The following SIRPB2 variants were observed in gnomAD, a reference collection of about 807,000 sequenced individuals.
The protein encoded by SIRPB2 is signal regulatory protein beta 2, also known as signal-regulatory protein beta-2.
Under a neutral mutation model 27.1 loss-of-function variants are expected in SIRPB2, and 18 were observed. The ratio of observed to expected loss-of-function variants is 0.66; its 90% CI spans 0.46 to 0.98. The LOEUF (loss-of-function observed/expected upper bound fraction) is 0.98, where lower values mean the gene tolerates loss of function less well. Ranked by LOEUF, SIRPB2 falls within the 50% of genes least tolerant of loss-of-function variation. The probability of loss-of-function intolerance (pLI) is 0.00; values close to 1 mark genes in which losing one functional copy is unlikely to be tolerated. For missense variants in SIRPB2, 420 were observed against 417.4 expected (o/e 1.01, Z -0.06); for synonymous variants, 150 against 164.6 (o/e 0.91, Z 0.68).
Position 1,478,546 on chromosome 20 carries a change from G to C in SIRPB2, c.513C>G (p.Thr171=), listed in dbSNP as rs778326318. 1.2e-6 allele frequency: 2 copies of C among 1,611,940 alleles called. No homozygotes were observed. Among genetic ancestry groups the C allele is most frequent in the Non-Finnish European group, 1.7e-6 (2 of 1,178,516 alleles). ...AGTTCAGAAAGACAGTGTCTCCAGT[G>C]GTCCCCAACACCAATTCCTGGGGCT... is the stretch of plus-strand genomic sequence containing the variant. ...IIQPQELVLG[T]TGDTVFLNCT... is the part of the protein sequence containing the mutation. Residue 171 remains threonine (T), a synonymous_variant, in exon 3 of 5, where the codon ACC becomes ACG. Coordinates refer to ENST00000359801, the MANE Select transcript of SIRPB2 (RefSeq NM_001122962.2).
intron 2 of SIRPB2, chr20:1,479,428 T>A (rs1185067422): frequency 4.1e-6 from 2 of 493,090 alleles, no homozygotes; most frequent in Non-Finnish European, 7.4e-6. Context: ...ATGCTTGAGG[T>A]GTACTTGAAG....
intron 1 of SIRPB2, among the ~76,000 whole-genome samples, chr20:1,490,556 C>T (rs76552270): frequency 0.01 from 1,566 of 152,322 alleles, 29 homozygotes; most frequent in African/African-American, 0.035. Flanking sequence ...TAATAATAAT[C>T]GCCAAGAGTT....
intron 1 of SIRPB2, among the ~76,000 whole-genome samples, chr20:1,490,020 A>C (rs6033896): frequency 0.17 from 26,247 of 152,070 alleles, 4,695 homozygotes; most frequent in African/African-American, 0.46. Context: ...GGACTCAAAC[A>C]TTCCAACTGA....
intron 1 of SIRPB2, 57 bp from the exon 2 acceptor site, chr20:1,480,122 G>T: frequency 6.5e-7 from 1 of 1,527,672 alleles, no homozygotes; most frequent in South Asian, 1.3e-5. Context: ...AGCCCTAAAT[G>T]ACAAGCTTAA....
chr20:1,476,388 G>A (rs762826900), intron 4 of SIRPB2, 52 bp from the exon 5 acceptor site: 1 of 1,557,146 alleles, frequency 6.4e-7, no homozygotes, highest in South Asian at 1.2e-5. Context: ...GGGCCCCACA[G>A]CCCACGCCTC....
intron 1 of SIRPB2, among the ~76,000 whole-genome samples, chr20:1,487,489 G>T (rs1163770290): frequency 2.0e-5 from 3 of 152,156 alleles, no homozygotes; most frequent in African/African-American, 4.8e-5. Context: ...ATTTGAAAAA[G>T]AATAAAGTTA....
At position 1,478,393 on chromosome 20, in the gene SIRPB2, G is replaced by A. The variant is rs2090630622; in HGVS notation, c.666C>T (p.Asn222=). ...HPKETAVQAS[N]NDFSILLQNV... is the part of the protein sequence containing the mutation. ...TTTGCAGAAGAATGCTGAAGTCATT[G>A]TTGGAGGCCTGCACCGCTGTCTCCT... The change falls in exon 3 of 5, where the codon AAC becomes AAT. Residue 222 remains asparagine, a synonymous_variant. Transcript: ENST00000359801. The A allele has an allele frequency of 6.2e-7, 1 of 1,614,194 alleles. No homozygotes were observed. Among genetic ancestry groups the A allele is most frequent in the Non-Finnish European group, 8.5e-7 (1 of 1,180,042 alleles).
chr20:1,473,729 CAG>C, downstream of SIRPB2: 6 of 413,312 alleles, frequency 1.5e-5, no homozygotes, highest in South Asian at 1.0e-4. Context: ...GAGGGGGTGG[CAG>C]GGACCAGCTC....
chr20:1,478,536 T>A lies in SIRPB2; in HGVS notation c.523A>T (p.Thr175Ser), dbSNP rs762440362. The change falls in exon 3 of 5, where the codon ACT (threonine) becomes TCT (serine). Residue 175 changes from threonine to serine, a missense_variant. Transcript: ENST00000359801. ...QELVLGTTGD[T>S]VFLNCTVLGD... ...AGCACTGTGCAGTTCAGAAAGACAG[T>A]GTCTCCAGTGGTCCCCAACACCAAT... 1 of 1,613,462 alleles carries A rather than the reference T, an allele frequency of 6.2e-7. No homozygotes were observed. Among genetic ancestry groups the A allele is most frequent in the Admixed American group, 1.7e-5 (1 of 60,008 alleles).
chr20:1,477,579 A>G (rs910532395), intron 3 of SIRPB2, among the ~76,000 whole-genome samples, 176 bp from the exon 4 acceptor site: 5 of 152,226 alleles, frequency 3.3e-5, no homozygotes, highest in African/African-American at 1.2e-4. Flanking sequence ...GAGCACGTTT[A>G]GGGTATGGAC....
At chr20:1,483,108 A>ATTTTTT (rs35280142) in intron 1 of SIRPB2, among the ~76,000 whole-genome samples, 6 of 136,450 alleles carry the variant, frequency 4.4e-5, no homozygotes. Flanking sequence ...CATCCTCATC[A>ATTTTTT]TTTTTTTTTT....
At chr20:1,482,084 A>G (rs1386112426) in intron 1 of SIRPB2, among the ~76,000 whole-genome samples, 1 of 152,220 alleles carries the variant, frequency 6.6e-6, no homozygotes, top group Non-Finnish European at 1.5e-5. Context: ...AAAAAAAATA[A>G]CATTCTATTG....
chr20:1,478,300 G>A lies in SIRPB2; in HGVS notation c.759C>T (p.Tyr253=). ...VKFQRKPNRQ[Y]LSGQGTSLKV... The stretch of plus-strand genomic sequence containing the variant: ...TCAGGCTGGTGCCCTGTCCAGACAG[G>A]TATTGCCTGTTGGGTTTCCTCTGAA... Residue 253 remains tyrosine, a synonymous_variant, in exon 3 of 5, where the codon TAC becomes TAT. Transcript: ENST00000359801. 1 of 1,614,114 alleles carries A rather than the reference G, an allele frequency of 6.2e-7. No individual in the cohort carries two copies.
chr20:1,478,466 C>T lies in SIRPB2; in HGVS notation c.593G>A (p.Gly198Asp), dbSNP rs920747855. Residue 198 changes from glycine (G) to aspartate (D), a missense_variant, in exon 3 of 5, where the codon GGT (glycine) becomes GAT (aspartate). Gly to Asp is a moderately conservative substitution (Grantham distance 94, BLOSUM62 -1). Coordinates refer to ENST00000359801, the MANE Select transcript of SIRPB2 (RefSeq NM_001122962.2). Reference sequence around the variant, plus strand: ...GTTGTAAATGGCCTCCCGGCTCAGACCAGCTCCCTGGAACCACCTGATGGG... The same window carrying T: ...GTTGTAAATGGCCTCCCGGCTCAGATCAGCTCCCTGGAACCACCTGATGGG... Reference protein sequence around the residue: ...PGPIRWFQGAGLSREAIYNFG... With the variant: ...PGPIRWFQGADLSREAIYNFG... The T allele has an allele frequency of 4.3e-6, 7 of 1,614,194 alleles. No individual in the cohort carries two copies. In the East Asian group the frequency reaches 1.3e-4, roughly 31 times the overall value.
At position 1,478,261 on chromosome 20, in the gene SIRPB2, C is replaced by T. The variant is rs776177894; in HGVS notation, c.793+5G>A. The T allele has an allele frequency of 5.6e-6, 9 of 1,608,572 alleles. No individual in the cohort carries two copies. In the South Asian group the frequency reaches 9.9e-5, roughly 18 times the overall value. The stretch of plus-strand genomic sequence containing the variant: ...TCCCGACAAGTCCAAAACCAATTGT[C>T]TCACCTTTCACTTTCAGGCTGGTGC... On this transcript the variant is annotated splice_donor_5th_base_variant and intron_variant, in intron 3 of 4. Coordinates refer to ENST00000359801, the MANE Select transcript of SIRPB2 (RefSeq NM_001122962.2).
intron 4 of SIRPB2, 127 bp from the exon 5 acceptor site, chr20:1,476,463 C>T (rs1206836889): frequency 9.5e-7 from 1 of 1,048,528 alleles, no homozygotes; most frequent in African/African-American, 1.6e-5. Flanking sequence ...ATCCTTTCTA[C>T]ATTGAAAGAG....
chr20:1,490,975 C>T (rs1396871292), intron 1 of SIRPB2, among the ~76,000 whole-genome samples: 1 of 152,138 alleles, frequency 6.6e-6, no homozygotes, highest in Non-Finnish European at 1.5e-5. Flanking sequence ...CCATGAGCGT[C>T]CCTGTTTTGT....
intron 1 of SIRPB2, chr20:1,480,305 C>T (rs533564950): frequency 4.0e-6 from 2 of 503,260 alleles, no homozygotes; most frequent in Non-Finnish European, 7.0e-6. Context: ...GTGTGCTGGG[C>T]CCTGCGTGCA....
downstream of SIRPB2, chr20:1,473,032 TTCC>T (rs972517185): frequency 6.6e-6 from 1 of 152,524 alleles, no homozygotes; most frequent in African/African-American, 2.4e-5. Context: ...ATAGTGTCAC[TTCC>T]CCTTTGCTCT....
Sources: allele counts gnomAD v4.1 joint callset (sites outside exome capture counted in the v4.1 genomes callset), GRCh38; gene constraint gnomAD v4.1.1; transcripts MANE v1.5; gene names NCBI Gene and HGNC (gene_info 2026-07-23, HGNC 2026-07-21).